CCDC6: variants seen among roughly 807,000 people sequenced by gnomAD.
CCDC6 encodes coiled-coil domain containing 6.
In CCDC6, 20 loss-of-function variants were observed where a neutral mutation model predicts 56.6. The observed-to-expected ratio is 0.35, with a 90% CI of 0.25 to 0.51. CCDC6 has a LOEUF of 0.51. Among genes scored for constraint, CCDC6 ranks in the 20% least tolerant of loss-of-function variants. The probability of loss-of-function intolerance (pLI) is 0.95; values close to 1 mark genes in which losing one functional copy is unlikely to be tolerated. For synonymous variants in CCDC6, 241 were observed against 234.4 expected (o/e 1.03, Z -0.26); for missense variants, 367 against 601.1 (o/e 0.61, Z 4.07).
At chr10:59,812,297 G>C (rs2070680416) in intron 5 of CCDC6, among the ~76,000 whole-genome samples, 1 of 152,158 alleles carries the variant, frequency 6.6e-6, no homozygotes, top group Non-Finnish European at 1.5e-5. Flanking sequence ...TTAATATTTT[G>C]AAAGTGCTTT....
intron 1 of CCDC6, among the ~76,000 whole-genome samples, chr10:59,898,012 A>G (rs1348416312): frequency 6.6e-6 from 1 of 152,234 alleles, no homozygotes; most frequent in African/African-American, 2.4e-5. Context: ...GAACAGATGC[A>G]TGGAAGATTA....
chr10:59,905,443 G>A (rs1181392392), intron 1 of CCDC6, among the ~76,000 whole-genome samples: 1 of 152,184 alleles, frequency 6.6e-6, no homozygotes, highest in Non-Finnish European at 1.5e-5. Flanking sequence ...TTCGGCCCCA[G>A]CCCTGTCCAG....
chr10:59,875,901 T>C (rs1013031831), intron 1 of CCDC6, among the ~76,000 whole-genome samples: 3 of 152,130 alleles, frequency 2.0e-5, no homozygotes, highest in African/African-American at 4.8e-5. Flanking sequence ...CATGATATTA[T>C]GCAAAGGAAA....
chr10:59,835,952 G>A (rs1009580642), intron 2 of CCDC6, among the ~76,000 whole-genome samples: 17 of 150,912 alleles, frequency 1.1e-4, no homozygotes, highest in African/African-American at 3.9e-4. Flanking sequence ...CTACTCAGGA[G>A]ACTGAGGTGA....
At chr10:59,862,312 C>T (rs1464763425) in intron 1 of CCDC6, among the ~76,000 whole-genome samples, 1 of 151,540 alleles carries the variant, frequency 6.6e-6, no homozygotes, top group Non-Finnish European at 1.5e-5. Context: ...CATAGTGAAA[C>T]CGTGTCTCTG....
At chr10:59,832,057 C>T (rs2070839654) in intron 3 of CCDC6, among the ~76,000 whole-genome samples, 1 of 152,174 alleles carries the variant, frequency 6.6e-6, no homozygotes, top group South Asian at 2.1e-4. Context: ...TCTATGACTC[C>T]ATATTTGTAC....
At chr10:59,798,991 CAA>C (rs34505959) in intron 7 of CCDC6, among the ~76,000 whole-genome samples, 15,014 of 75,866 alleles carry the variant, frequency 0.2, 533 homozygotes, top group Middle Eastern at 0.3. Flanking sequence ...AAGACTGTTT[CAA>C]AAAAAAAAAA....
chr10:59,834,828 G>C (rs2070867942), intron 2 of CCDC6, among the ~76,000 whole-genome samples: 2 of 152,094 alleles, frequency 1.3e-5, no homozygotes, highest in South Asian at 4.1e-4. Flanking sequence ...AATGAATAGA[G>C]AACAAGAAGA....
rs201231337 is a variant in CCDC6, at chr10:59,841,259, CA to C, written c.454-8607del. 5.1e-3 allele frequency among the ~76,000 whole-genome samples: 777 copies of C among 152,304 alleles called. 7 individuals are homozygous for C. The highest frequency in any genetic ancestry group is 0.018 in the African/African-American group (735 of 41,570). On this transcript the variant is annotated intron_variant, in intron 2 of 8. Transcript: ENST00000263102. Reference sequence around the variant, plus strand: ...TTCCTTCTGCCTACAATACTCTTCCCACAAAAATCTATTTGGCTAGCTTCTT... The same window carrying C: ...TTCCTTCTGCCTACAATACTCTTCCCCAAAAATCTATTTGGCTAGCTTCTT...
At chr10:59,889,619 G>GT (rs1356499027) in intron 1 of CCDC6, among the ~76,000 whole-genome samples, 1 of 152,170 alleles carries the variant, frequency 6.6e-6, no homozygotes, top group Non-Finnish European at 1.5e-5. Context: ...GCTCTGCAAG[G>GT]TACAGGTGAC....
chr10:59,848,270 A>G (rs2071010286), intron 2 of CCDC6, among the ~76,000 whole-genome samples: 1 of 152,160 alleles, frequency 6.6e-6, no homozygotes, highest in African/African-American at 2.4e-5. Context: ...GTTTATTTTA[A>G]TGTGTAACAT....
intron 1 of CCDC6, among the ~76,000 whole-genome samples, chr10:59,858,669 G>A (rs186282337): frequency 1.5e-4 from 23 of 152,290 alleles, no homozygotes; most frequent in Admixed American, 3.9e-4. Flanking sequence ...CTAGAACACA[G>A]CTTTGCATAC....
At chr10:59,855,528 T>C (rs1389624061) in intron 1 of CCDC6, among the ~76,000 whole-genome samples, 2 of 152,188 alleles carry the variant, frequency 1.3e-5, no homozygotes, top group Admixed American at 1.3e-4. Flanking sequence ...ATCGTGCCAC[T>C]GCACTCCAGG....
chr10:59,892,229 C>T (rs1318629550), intron 1 of CCDC6, among the ~76,000 whole-genome samples: 3 of 152,170 alleles, frequency 2.0e-5, no homozygotes, highest in Admixed American at 6.5e-5. Flanking sequence ...TTCTGTCTGC[C>T]GATAGTACTA....
At chr10:59,887,729 G>A (rs1278592041) in intron 1 of CCDC6, among the ~76,000 whole-genome samples, 1 of 152,054 alleles carries the variant, frequency 6.6e-6, no homozygotes, top group Non-Finnish European at 1.5e-5. Context: ...AATTTTTGTT[G>A]CTGGGTCAAA....
At chr10:59,820,464 T>C (rs1373947090) in intron 3 of CCDC6, among the ~76,000 whole-genome samples, 1 of 152,164 alleles carries the variant, frequency 6.6e-6, no homozygotes, top group African/African-American at 2.4e-5. Flanking sequence ...AACTACGACA[T>C]GTACTAATCC....
chr10:59,861,432 C>CAAAAAAAAAAA (rs55716341), intron 1 of CCDC6, among the ~76,000 whole-genome samples: 8 of 88,918 alleles, frequency 9.0e-5, no homozygotes, highest in Admixed American at 1.4e-4. Context: ...CAAAAATTAC[C>CAAAAAAAAAAA]AAAAAAAAAA....
At chr10:59,803,263 C>A (rs1263436277) in intron 7 of CCDC6, among the ~76,000 whole-genome samples, 1 of 151,860 alleles carries the variant, frequency 6.6e-6, no homozygotes, top group Non-Finnish European at 1.5e-5. Flanking sequence ...ACTGGCCCAT[C>A]GGTACAAAGG....
At chr10:59,819,983 G>C (rs2070737941) in intron 3 of CCDC6, among the ~76,000 whole-genome samples, 1 of 152,268 alleles carries the variant, frequency 6.6e-6, no homozygotes, top group African/African-American at 2.4e-5. Context: ...TCCATTACAG[G>C]TTAATTAACA....
Sources: gnomAD v4.1 joint callset for allele counts (sites outside exome capture counted in the v4.1 genomes callset) on GRCh38, gnomAD v4.1.1 for gene constraint, MANE v1.5 for transcripts, NCBI Gene and HGNC (gene_info 2026-07-23, HGNC 2026-07-21) for gene names.